SMARCAD1: variants seen among roughly 807,000 people sequenced by gnomAD.
SMARCAD1 encodes SWI/SNF-related matrix-associated actin-dependent regulator of chromatin subfamily A containing DEAD/H box 1.
Under a neutral mutation model 127.1 loss-of-function variants are expected in SMARCAD1, and 25 were observed. The observed-to-expected ratio is 0.20, with a 90% CI of 0.14 to 0.27. The LOEUF (loss-of-function observed/expected upper bound fraction) is 0.27. SMARCAD1 is among the 10% of genes least tolerant of loss of function. The pLI is 1.00. For synonymous variants in SMARCAD1, 400 were observed against 396.9 expected (o/e 1.01, Z -0.09); for missense variants, 807 against 1,206.0 (o/e 0.67, Z 4.90).
At chr4:94,220,902 C>T (rs1054197896) in intron 2 of SMARCAD1, among the ~76,000 whole-genome samples, 8 of 152,184 alleles carry the variant, frequency 5.3e-5, no homozygotes, top group Non-Finnish European at 8.8e-5. Flanking sequence ...ATGTGAAGTA[C>T]GCATCACTGC....
chr4:94,278,236 T>TA (rs2125993125), intron 16 of SMARCAD1, among the ~76,000 whole-genome samples, 186 bp from the exon 17 acceptor site: 1 of 152,230 alleles, frequency 6.6e-6, no homozygotes, highest in South Asian at 2.1e-4. Context: ...TCAAAATACA[T>TA]ATGGAGCTTC....
intron 5 of SMARCAD1, 124 bp downstream of exon 5, chr4:94,237,142 G>T: frequency 1.2e-6 from 1 of 819,578 alleles, no homozygotes. Context: ...AATTTGTGAG[G>T]TATTAATAGT....
At chr4:94,260,452 T>G (rs1750797750) in intron 9 of SMARCAD1, among the ~76,000 whole-genome samples, 1 of 152,172 alleles carries the variant, frequency 6.6e-6, no homozygotes, top group African/African-American at 2.4e-5. Context: ...CAAGAAATTC[T>G]TGTGCCTCAG....
In SMARCAD1 at chr4:94,240,909, G is replaced by A. The variant is rs980211165; in HGVS notation, c.608G>A (p.Gly203Asp). ...AALLMFGDAGGGPRKRKLSSS... is the reference protein window; with the variant it reads ...AALLMFGDAGDGPRKRKLSSS... ...GTGTGCTGCTCTGCTTTAAAAGGTG[G>A]TGGGCCCAGGAAAAGAAAATTATCT... The change falls in exon 6 of 24, where the codon GGT (glycine) becomes GAT (aspartate). Residue 203 changes from glycine to aspartate, a missense_variant. This residue lies in a region of SMARCAD1 where 48 missense variants were observed against 90.8 expected (regional missense o/e 0.53). Coordinates refer to ENST00000354268, the MANE Select transcript of SMARCAD1 (RefSeq NM_020159.5). The A allele has an allele frequency of 1.9e-6, 3 of 1,612,424 alleles. No individual in the cohort carries two copies. The highest frequency in any genetic ancestry group is 1.1e-5 in the South Asian group (1 of 91,004).
chr4:94,289,495 A>G lies in SMARCAD1; in HGVS notation c.3042A>G (p.Ala1014=). The change falls in exon 24 of 24, where the codon GCA becomes GCG. Residue 1014 remains alanine, a synonymous_variant. Coordinates refer to ENST00000354268, the MANE Select transcript of SMARCAD1 (RefSeq NM_020159.5). ...CAGGTGATGAAGGGAGTATGCCAGCAGATATAGCCACATTACTAAAAACAT... is the reference window on the plus strand; with the variant it reads ...CAGGTGATGAAGGGAGTATGCCAGCGGATATAGCCACATTACTAAAAACAT... The part of the protein sequence containing the change: ...VDEGDEGSMP[A]DIATLLKTSM... 1 of 1,613,390 alleles carries G rather than the reference A, an allele frequency of 6.2e-7. No homozygotes were observed. The highest frequency in any genetic ancestry group is 2.2e-5 in the East Asian group (1 of 44,782).
In SMARCAD1 at chr4:94,208,570, T is replaced by C; in HGVS notation, c.176T>C (p.Ile59Thr). 1.2e-6 allele frequency: 2 copies of C among 1,613,968 alleles called. No individual in the cohort carries two copies. Among genetic ancestry groups the C allele is most frequent in the Non-Finnish European group, 1.7e-6 (2 of 1,179,932 alleles). The change falls in exon 2 of 24, where the codon ATA becomes ACA. Residue 59 changes from isoleucine (I) to threonine (T), a missense_variant. By Grantham distance (89) the Ile-to-Thr change is moderately conservative. Transcript: ENST00000354268. The stretch of plus-strand genomic sequence containing the variant: ...AGGGCAAACACTCCTGATTCAGATA[T>C]AACTGAAAAAACAGGTGAGTTACAA... Reference protein sequence around the residue: ...VSRANTPDSDITEKTEDSSVP... With the variant: ...VSRANTPDSDTTEKTEDSSVP...
Position 94,270,897 on chromosome 4 carries a change from CTT to C in SMARCAD1, c.1572+86_1572+87del, listed in dbSNP as rs571705829. 5.3e-4 allele frequency: 693 copies of C among 1,311,152 alleles called. 4 individuals carry two copies. In the African/African-American group the frequency reaches 8.0e-3, roughly 15 times the overall value. 81.2% of individuals were successfully genotyped at this position (1,311,152 alleles called of 1,614,324 possible). On this transcript the variant is annotated intron_variant, in intron 11 of 23. Transcript: ENST00000354268. Reference sequence around the variant, plus strand: ...TCTTGCTGTCATTTAAAACATGAAACTTTTTTTTGCTACTGTAGTTAACTACT... The same window carrying C: ...TCTTGCTGTCATTTAAAACATGAAACTTTTTTGCTACTGTAGTTAACTACT...
rs113356184 is a variant in SMARCAD1 at position 94,280,493 on chromosome 4, TA to T, written c.2419-98del. 7.6e-4 allele frequency: 798 copies of T among 1,050,450 alleles called. 4 individuals are homozygous for T. The African/African-American group carries it at 0.011, about 15-fold the overall frequency. The allele number at this position is 1,050,450 out of a possible 1,614,324, so 65.1% of individuals were successfully genotyped here. A position where few individuals can be genotyped will look rare whatever the true frequency, so the allele number is the denominator to read the frequency against. The stretch of plus-strand genomic sequence containing the variant: ...TGTTACACTAAAAGGTTCTATGATT[TA>T]GATATTTTATCAGGTATAAACAGTT... On this transcript the variant is annotated intron_variant, in intron 19 of 23. Coordinates refer to ENST00000354268, the MANE Select transcript of SMARCAD1 (RefSeq NM_020159.5).
intron 2 of SMARCAD1, among the ~76,000 whole-genome samples, chr4:94,209,830 A>G (rs1415726831): frequency 2.0e-5 from 3 of 152,214 alleles, no homozygotes; most frequent in Non-Finnish European, 4.4e-5. Flanking sequence ...GATATTTGAC[A>G]TCCAGGTATT....
At chr4:94,228,794 T>C (rs1955242) in intron 3 of SMARCAD1, among the ~76,000 whole-genome samples, 5 of 152,190 alleles carry the variant, frequency 3.3e-5, no homozygotes, top group Non-Finnish European at 2.9e-5. Context: ...ATTTTTTTTT[T>C]ACAGTGGATT....
At chr4:94,229,598 T>C (rs1477967013) in intron 3 of SMARCAD1, among the ~76,000 whole-genome samples, 1 of 152,102 alleles carries the variant, frequency 6.6e-6, no homozygotes, top group Non-Finnish European at 1.5e-5. Flanking sequence ...AAATAAAAAT[T>C]AGCAATTTCT....
chr4:94,219,519 G>A (rs1226904395), intron 2 of SMARCAD1, among the ~76,000 whole-genome samples: 2 of 151,872 alleles, frequency 1.3e-5, no homozygotes, highest in Middle Eastern at 3.2e-3. Context: ...ATACGAGAAC[G>A]GGTAAAGGGT....
chr4:94,267,784 T>C (rs896747444), intron 10 of SMARCAD1, among the ~76,000 whole-genome samples: 2 of 152,282 alleles, frequency 1.3e-5, no homozygotes, highest in East Asian at 1.9e-4. Context: ...ACTTAACTTA[T>C]TCAGAAGACC....
At chr4:94,280,856 C>T in intron 20 of SMARCAD1, 76 bp downstream of exon 20, 1 of 1,378,918 alleles carries the variant, frequency 7.3e-7, no homozygotes, top group Non-Finnish European at 1.0e-6. Context: ...GGCACACTGA[C>T]TTGCTTGAAT....
chr4:94,221,122 A>G (rs1170651001), intron 2 of SMARCAD1, among the ~76,000 whole-genome samples: 1 of 152,260 alleles, frequency 6.6e-6, no homozygotes, highest in African/African-American at 2.4e-5. Flanking sequence ...TTTCAAAGGA[A>G]AGTTTGAATT....
chr4:94,243,410 G>C (rs949104194), intron 6 of SMARCAD1, among the ~76,000 whole-genome samples: 2 of 152,090 alleles, frequency 1.3e-5, no homozygotes, highest in Non-Finnish European at 2.9e-5. Flanking sequence ...ACTTGATGAT[G>C]GGTTGCTGCT....
Position 94,240,798 on chromosome 4 carries a change from A to G in SMARCAD1, c.605-108A>G. ...ACAACAAACACTGGGCCTGATATCA[A>G]GAGAACTGTCTAGTATTCATTATAA... On this transcript the variant is annotated intron_variant, in intron 5 of 23. Transcript: ENST00000354268. 3.9e-6 allele frequency: 3 copies of G among 769,186 alleles called. No homozygotes were observed. In the Admixed American group the frequency reaches 6.1e-5, roughly 16 times the overall value. The allele number at this position is 769,186 out of a possible 1,614,324, so 47.6% of individuals were successfully genotyped here.
At chr4:94,236,883 A>G in intron 4 of SMARCAD1, 69 bp from the exon 5 acceptor site, 1 of 1,240,458 alleles carries the variant, frequency 8.1e-7, no homozygotes, top group East Asian at 2.3e-5. Context: ...TTTGTTCTTA[A>G]ATATTTCAGT....
chr4:94,268,740 T>A (rs1752104425), intron 10 of SMARCAD1, among the ~76,000 whole-genome samples: 1 of 152,202 alleles, frequency 6.6e-6, no homozygotes, highest in Admixed American at 6.5e-5. Flanking sequence ...GCAGTGAACT[T>A]CTCATCTGTA....
Sources: allele counts gnomAD v4.1 joint callset (sites outside exome capture counted in the v4.1 genomes callset), GRCh38; gene constraint gnomAD v4.1.1; regional missense constraint gnomAD v4.1.1; transcripts MANE v1.5; gene names NCBI Gene and HGNC (gene_info 2026-07-23, HGNC 2026-07-21).